The following VPS13B variants were observed in gnomAD, a reference collection of about 807,000 sequenced individuals.
The protein encoded by VPS13B is vacuolar protein sorting 13 homolog B.
A neutral mutation model predicts 426.4 loss-of-function variants in VPS13B; 285 were observed. The ratio of observed to expected loss-of-function variants is 0.67; its 90% confidence interval spans 0.61 to 0.74. VPS13B has a LOEUF of 0.74. Ranked by LOEUF, VPS13B falls within the 30% of genes least tolerant of loss-of-function variation. VPS13B has a pLI of 0.00. For missense variants in VPS13B, 4,537 were observed against 4,782.6 expected (o/e 0.95, Z 1.51); for synonymous variants, 1,676 against 1,676.4 (o/e 1.00, Z 0.01).
chr8:99,334,254 A>G (rs1323512351), intron 19 of VPS13B, among the ~76,000 whole-genome samples: 2 of 152,138 alleles, frequency 1.3e-5, no homozygotes, highest in Admixed American at 6.6e-5. Flanking sequence ...TAGTCATTTT[A>G]TCTGTTTTAC....
intron 19 of VPS13B, among the ~76,000 whole-genome samples, chr8:99,375,098 T>G (rs1813411251): frequency 6.6e-6 from 1 of 152,226 alleles, no homozygotes; most frequent in South Asian, 2.1e-4. Flanking sequence ...CATGAACAAT[T>G]GATCGACACC....
At chr8:99,788,162 C>G (rs1812360134) in intron 43 of VPS13B, among the ~76,000 whole-genome samples, 1 of 151,526 alleles carries the variant, frequency 6.6e-6, no homozygotes, top group South Asian at 2.1e-4. Flanking sequence ...TTCTCAAGAC[C>G]AGCCTGGGCA....
At chr8:99,815,745 A>G (rs746513013) in intron 44 of VPS13B, among the ~76,000 whole-genome samples, 15 of 152,348 alleles carry the variant, frequency 9.8e-5, no homozygotes, top group African/African-American at 2.6e-4. Flanking sequence ...GTGAATATTC[A>G]TATTACAGAA....
At chr8:99,743,081 T>C (rs553262394) in intron 39 of VPS13B, among the ~76,000 whole-genome samples, 1 of 152,118 alleles carries the variant, frequency 6.6e-6, no homozygotes, top group Non-Finnish European at 1.5e-5. Flanking sequence ...AAAACCCCAT[T>C]ATCTCAGCCC....
At chr8:99,688,000 G>GAA (rs1831489829) in intron 35 of VPS13B, among the ~76,000 whole-genome samples, 1 of 151,926 alleles carries the variant, frequency 6.6e-6, no homozygotes, top group Admixed American at 6.6e-5. Flanking sequence ...AACTGGCAAA[G>GAA]AAAGGGTACA....
chr8:99,617,259 G>A (rs1828134845), intron 33 of VPS13B, among the ~76,000 whole-genome samples: 1 of 152,176 alleles, frequency 6.6e-6, no homozygotes, highest in Non-Finnish European at 1.5e-5. Flanking sequence ...TGAAACATAT[G>A]CAAATAATAT....
intron 44 of VPS13B, among the ~76,000 whole-genome samples, chr8:99,812,330 A>G (rs1312844517): frequency 6.6e-6 from 1 of 152,202 alleles, no homozygotes; most frequent in African/African-American, 2.4e-5. Flanking sequence ...TTGGGAAGGA[A>G]GAAGGGAACC....
At chr8:99,393,440 A>G (rs1033130847) in intron 21 of VPS13B, among the ~76,000 whole-genome samples, 1 of 152,136 alleles carries the variant, frequency 6.6e-6, no homozygotes, top group Non-Finnish European at 1.5e-5. Context: ...AACATAAACA[A>G]CACATTTTTT....
intron 31 of VPS13B, among the ~76,000 whole-genome samples, chr8:99,568,760 A>C (rs1489651602): frequency 6.6e-6 from 1 of 151,830 alleles, no homozygotes; most frequent in Non-Finnish European, 1.5e-5. Context: ...ATATTTAGGA[A>C]TAACTACTGT....
chr8:99,661,328 T>A, intron 34 of VPS13B, 26 bp from the exon 35 acceptor site: 1 of 1,613,188 alleles, frequency 6.2e-7, no homozygotes, highest in Non-Finnish European at 8.5e-7. Flanking sequence ...TAACTGATGT[T>A]TTTAATTTCA....
chr8:99,484,623 C>A (rs538758713), intron 25 of VPS13B, among the ~76,000 whole-genome samples: 1 of 152,206 alleles, frequency 6.6e-6, no homozygotes, highest in Non-Finnish European at 1.5e-5. Context: ...CTTATGTCAT[C>A]ATTTACTGGC....
chr8:99,134,240 A>G (rs1162482369), intron 8 of VPS13B, among the ~76,000 whole-genome samples: 2 of 152,178 alleles, frequency 1.3e-5, no homozygotes, highest in Admixed American at 6.5e-5. Flanking sequence ...AATAGTGAGA[A>G]GTCTTGGAAA....
chr8:99,361,648 T>G (rs970375134), intron 19 of VPS13B, among the ~76,000 whole-genome samples: 2 of 152,134 alleles, frequency 1.3e-5, no homozygotes, highest in African/African-American at 2.4e-5. Flanking sequence ...ACACACTGAG[T>G]CTTTTCTCCT....
intron 33 of VPS13B, among the ~76,000 whole-genome samples, chr8:99,630,188 C>G (rs1367832434): frequency 1.3e-5 from 2 of 152,086 alleles, no homozygotes; most frequent in East Asian, 1.9e-4. Flanking sequence ...ATGAGGAGTG[C>G]AAGTCTCTTA....
chr8:99,337,502 T>C (rs529156942), intron 19 of VPS13B, among the ~76,000 whole-genome samples: 10 of 151,816 alleles, frequency 6.6e-5, no homozygotes, highest in African/African-American at 1.9e-4. Flanking sequence ...ACCCTAAAAC[T>C]TAAAGTATAA....
At chr8:99,265,660 G>A (rs1171406072) in intron 17 of VPS13B, among the ~76,000 whole-genome samples, 2 of 152,078 alleles carry the variant, frequency 1.3e-5, no homozygotes, top group Admixed American at 6.6e-5. Flanking sequence ...TAAGAAAAAC[G>A]ATCTGTAGTC....
At chr8:99,721,587 AT>A (rs1267880363) in intron 39 of VPS13B, among the ~76,000 whole-genome samples, 1 of 152,168 alleles carries the variant, frequency 6.6e-6, no homozygotes, top group Non-Finnish European at 1.5e-5. Context: ...TATAAATGTC[AT>A]TGTGGATATC....
Position 99,390,052 on chromosome 8 carries a change from C to G in VPS13B, c.2935-1505C>G, listed in dbSNP as rs923010986. Among the ~76,000 whole-genome samples, 35 of 151,664 alleles carry G rather than the reference C, an allele frequency of 2.3e-4. 1 individual carries two copies. Among genetic ancestry groups the G allele is most frequent in the Admixed American group, 2.0e-3 (30 of 15,222 alleles). On this transcript the variant is annotated intron_variant, in intron 20 of 61. Coordinates refer to ENST00000357162, the MANE Select transcript of VPS13B (RefSeq NM_152564.5). ...AATACCAAATATAAAAGCAGGCACT[C>G]TATGTTATGATGCTTTCGATAATTT...
rs1293359047 is a variant in VPS13B at position 99,027,887 on chromosome 8, C to T, written c.148-10536C>T. On this transcript the variant is annotated intron_variant, in intron 2 of 61. Transcript: ENST00000357162. Reference sequence around the variant, plus strand: ...TGGTTTTCCTAGGCAGAGGACCCTGCGGCCTTCCGCAGTGTTTGTGTCCCT... The same window carrying T: ...TGGTTTTCCTAGGCAGAGGACCCTGTGGCCTTCCGCAGTGTTTGTGTCCCT... Among the ~76,000 whole-genome samples the T allele has an allele frequency of 3.9e-5, 6 of 152,138 alleles. 1 individual carries two copies. The highest frequency in any genetic ancestry group is 4.2e-4 in the South Asian group (2 of 4,808).
Sources: gnomAD v4.1 joint callset for allele counts (sites outside exome capture counted in the v4.1 genomes callset) on GRCh38, gnomAD v4.1.1 for gene constraint, MANE v1.5 for transcripts, NCBI Gene and HGNC (gene_info 2026-07-23, HGNC 2026-07-21) for gene names.